Variants in FCHSD2 observed in about 807,000 individuals in gnomAD.
FCHSD2 encodes F-BAR and double SH3 domains protein 2.
Under a neutral mutation model 108.1 loss-of-function variants are expected in FCHSD2, and 38 were observed. The observed-to-expected ratio is 0.35, with a 90% CI of 0.27 to 0.46. FCHSD2 has a LOEUF of 0.46. FCHSD2 is among the 20% of genes least tolerant of loss of function. The probability of loss-of-function intolerance (pLI) is 1.00; values close to 1 mark genes in which losing one functional copy is unlikely to be tolerated. For missense variants in FCHSD2, 751 were observed against 897.8 expected (o/e 0.84, Z 2.09); for synonymous variants, 279 against 314.7 (o/e 0.89, Z 1.20).
At chr11:73,036,822 A>G (rs1221088415) in intron 3 of FCHSD2, among the ~76,000 whole-genome samples, 3 of 152,198 alleles carry the variant, frequency 2.0e-5, no homozygotes, top group African/African-American at 4.8e-5. Context: ...CAAACTTTTT[A>G]TTGATAAAAT....
chr11:72,909,661 G>T (rs899327337), intron 9 of FCHSD2, among the ~76,000 whole-genome samples: 1 of 150,874 alleles, frequency 6.6e-6, no homozygotes, highest in Non-Finnish European at 1.5e-5. Flanking sequence ...CCCTGTCTGG[G>T]AAGTGGGGAG....
Position 73,141,905 on chromosome 11 carries a change from G to A in FCHSD2, c.-28C>T, listed in dbSNP as rs1283431661. On this transcript the variant is annotated 5_prime_UTR_variant, in exon 1 of 20. Transcript: ENST00000409418. ...TGCTGAAGGGACATCAATCCTCCCC[G>A]ACGGCAGCGTTAGCAAGGACCAGGA... 1.3e-6 allele frequency: 2 copies of A among 1,541,416 alleles called. No homozygotes were observed. Among genetic ancestry groups the A allele is most frequent in the East Asian group, 5.0e-5 (2 of 40,218 alleles).
intron 2 of FCHSD2, among the ~76,000 whole-genome samples, chr11:73,138,979 A>T (rs1180848508): frequency 6.6e-6 from 1 of 152,216 alleles, no homozygotes; most frequent in Non-Finnish European, 1.5e-5. Context: ...ATACAGAATT[A>T]AAATTGTAAT....
intron 2 of FCHSD2, among the ~76,000 whole-genome samples, chr11:73,111,569 T>C (rs1442788856): frequency 6.6e-6 from 1 of 152,044 alleles, no homozygotes; most frequent in Admixed American, 6.6e-5. Context: ...CCACTCTATG[T>C]CTTTTGATTG....
chr11:72,860,569 G>T (rs1161141554), intron 13 of FCHSD2, among the ~76,000 whole-genome samples: 2 of 152,152 alleles, frequency 1.3e-5, no homozygotes. Context: ...TAGAGGCCAG[G>T]TGCAGTGGCT....
intron 3 of FCHSD2, among the ~76,000 whole-genome samples, chr11:73,055,691 A>C (rs1859009353): frequency 6.6e-6 from 1 of 152,246 alleles, no homozygotes; most frequent in Non-Finnish European, 1.5e-5. Flanking sequence ...ACATACCATC[A>C]AAAGATATTT....
At chr11:73,011,687 G>A (rs188019894) in intron 4 of FCHSD2, among the ~76,000 whole-genome samples, 1 of 152,118 alleles carries the variant, frequency 6.6e-6, no homozygotes, top group Non-Finnish European at 1.5e-5. Context: ...TAGTTTCAAG[G>A]CCCAGGAAGG....
intron 2 of FCHSD2, among the ~76,000 whole-genome samples, chr11:73,104,294 T>G (rs1272930819): frequency 6.6e-6 from 1 of 152,210 alleles, no homozygotes; most frequent in Non-Finnish European, 1.5e-5. Flanking sequence ...GGAGACAGAG[T>G]CTCACTCTGT....
intron 3 of FCHSD2, among the ~76,000 whole-genome samples, chr11:73,074,905 C>G (rs1859515119): frequency 6.6e-6 from 1 of 152,124 alleles, no homozygotes; most frequent in Non-Finnish European, 1.5e-5. Context: ...GAGTGAGACC[C>G]TGTCCCAAGG....
intron 8 of FCHSD2, among the ~76,000 whole-genome samples, chr11:72,965,554 A>G (rs187892739): frequency 2.0e-5 from 3 of 152,268 alleles, no homozygotes; most frequent in East Asian, 1.9e-4. Context: ...TTAAAACTCA[A>G]TATTTTCATG....
chr11:72,929,171 C>T (rs910727508), intron 8 of FCHSD2, among the ~76,000 whole-genome samples: 25 of 152,066 alleles, frequency 1.6e-4, no homozygotes, highest in African/African-American at 5.3e-4. Context: ...TGAATAATGC[C>T]GCTATAAACA....
rs1314556343 is a variant in FCHSD2 at position 72,837,280 on chromosome 11, G to GTAT, written c.*1508_*1510dup. Reference sequence around the variant, plus strand: ...AATCATGGAGAAGATTCATTAATGGGTATTGTCACTGAAGTGATCAAAGAA... The same window carrying GTAT: ...AATCATGGAGAAGATTCATTAATGGGTATTATTGTCACTGAAGTGATCAAAGAA... On this transcript the variant is annotated 3_prime_UTR_variant, in exon 20 of 20. Transcript: ENST00000409418. The GTAT allele has an allele frequency of 2.0e-5, 3 of 152,554 alleles. No homozygotes were observed. Among genetic ancestry groups the GTAT allele is most frequent in the African/African-American group, 7.2e-5 (3 of 41,502 alleles). The allele number at this position is 152,554 out of a possible 1,614,324, so 9.5% of individuals were successfully genotyped here.
At chr11:73,087,629 C>T (rs1240161190) in intron 2 of FCHSD2, among the ~76,000 whole-genome samples, 8 of 150,686 alleles carry the variant, frequency 5.3e-5, no homozygotes, top group South Asian at 2.1e-4. Context: ...TGCTTGAACC[C>T]GGGAGGCAGA....
At chr11:73,051,900 CACACACACACACACA>C (rs1858908842) in intron 3 of FCHSD2, among the ~76,000 whole-genome samples, 1 of 150,774 alleles carries the variant, frequency 6.6e-6, no homozygotes, top group African/African-American at 2.5e-5. Context: ...CACACACACA[CACACACACACACACA>C]CCCCACACAC....
At chr11:72,839,326 T>G (rs1238030520) in intron 19 of FCHSD2, among the ~76,000 whole-genome samples, 1 of 152,212 alleles carries the variant, frequency 6.6e-6, no homozygotes, top group Non-Finnish European at 1.5e-5. Context: ...AATAAATCTG[T>G]GCTTTATTCT....
intron 3 of FCHSD2, among the ~76,000 whole-genome samples, chr11:73,072,400 CTTAA>C (rs1859458557): frequency 6.6e-6 from 1 of 151,710 alleles, no homozygotes; most frequent in Admixed American, 6.6e-5. Context: ...AGTTTAAAAA[CTTAA>C]TTAAATTTTT....
intron 12 of FCHSD2, among the ~76,000 whole-genome samples, chr11:72,887,006 C>T (rs1191801095): frequency 6.6e-6 from 1 of 151,972 alleles, no homozygotes; most frequent in East Asian, 1.9e-4. Context: ...CTTCCCTATT[C>T]TTAAAAGCCC....
intron 3 of FCHSD2, among the ~76,000 whole-genome samples, chr11:73,024,140 G>A (rs1441696839): frequency 2.0e-5 from 3 of 151,994 alleles, no homozygotes; most frequent in Non-Finnish European, 4.4e-5. Flanking sequence ...AAGAGACAAA[G>A]AATGACTCTT....
At chr11:73,051,992 G>A (rs1858914126) in intron 3 of FCHSD2, among the ~76,000 whole-genome samples, 1 of 151,420 alleles carries the variant, frequency 6.6e-6, no homozygotes, top group Non-Finnish European at 1.5e-5. Context: ...CTGCAATAAA[G>A]AACCAATTTC....
Sources: gnomAD v4.1 joint callset for allele counts (sites outside exome capture counted in the v4.1 genomes callset) on GRCh38, gnomAD v4.1.1 for gene constraint, MANE v1.5 for transcripts, NCBI Gene and HGNC (gene_info 2026-07-23, HGNC 2026-07-21) for gene names.